The following ADAM32 variants were observed in gnomAD, a reference collection of about 807,000 sequenced individuals.
ADAM32 encodes ADAM metallopeptidase domain 32, also known as disintegrin and metalloproteinase domain-containing protein 32.
A neutral mutation model predicts 114.9 loss-of-function variants in ADAM32; 89 were observed. That is an observed-to-expected ratio of 0.77 (90% CI 0.65 to 0.92). The LOEUF is 0.92. Among genes scored for constraint, ADAM32 ranks in the 40% least tolerant of loss-of-function variants. The probability of loss-of-function intolerance (pLI) is 0.00; values close to 1 mark genes in which losing one functional copy is unlikely to be tolerated. For synonymous variants in ADAM32, 285 were observed against 307.5 expected (o/e 0.93, Z 0.77); for missense variants, 870 against 932.8 (o/e 0.93, Z 0.88).
At chr8:39,225,271 C>T (rs1315531319) in intron 14 of ADAM32, among the ~76,000 whole-genome samples, 1 of 152,072 alleles carries the variant, frequency 6.6e-6, no homozygotes, top group African/African-American at 2.4e-5. Flanking sequence ...AACCTAGGAA[C>T]TTTTGTTGCT....
At chr8:39,132,788 C>T (rs1175176393) in intron 2 of ADAM32, among the ~76,000 whole-genome samples, 2 of 151,874 alleles carry the variant, frequency 1.3e-5, no homozygotes, top group African/African-American at 4.8e-5. Flanking sequence ...TATGTCTTCA[C>T]TGCCTTCTGG....
At chr8:39,239,718 A>G (rs921495599) in intron 16 of ADAM32, among the ~76,000 whole-genome samples, 1 of 152,212 alleles carries the variant, frequency 6.6e-6, no homozygotes, top group East Asian at 1.9e-4. Flanking sequence ...AACTTAAGGT[A>G]AAGGGGTGGA....
chr8:39,212,894 T>A (rs1808320552), intron 12 of ADAM32, among the ~76,000 whole-genome samples: 1 of 152,204 alleles, frequency 6.6e-6, no homozygotes, highest in South Asian at 2.1e-4. Flanking sequence ...CCTTCATATC[T>A]GCACTAGAAT....
At chr8:39,209,266 C>G (rs1028642009) in intron 11 of ADAM32, among the ~76,000 whole-genome samples, 5 of 152,056 alleles carry the variant, frequency 3.3e-5, no homozygotes, top group Admixed American at 3.3e-4. Context: ...GCTTTCGAGA[C>G]CCTCTAATAC....
intron 11 of ADAM32, among the ~76,000 whole-genome samples, chr8:39,207,170 T>C (rs1489474097): frequency 6.6e-6 from 1 of 152,138 alleles, no homozygotes; most frequent in East Asian, 1.9e-4. Context: ...TCCTCTGTCT[T>C]TCTACATCTC....
At chr8:39,279,526 C>T (rs935165794) in intron 22 of ADAM32, among the ~76,000 whole-genome samples, 2 of 152,208 alleles carry the variant, frequency 1.3e-5, no homozygotes, top group African/African-American at 4.8e-5. Flanking sequence ...TTGTGATCCA[C>T]TCGCCTCGGC....
At chr8:39,124,765 G>A (rs939268315) in intron 2 of ADAM32, among the ~76,000 whole-genome samples, 7 of 152,096 alleles carry the variant, frequency 4.6e-5, no homozygotes, top group Non-Finnish European at 1.5e-5. Context: ...CATTTGGGTT[G>A]CTTCCATGTC....
chr8:39,236,000 A>G (rs1810112156), intron 16 of ADAM32, among the ~76,000 whole-genome samples: 1 of 152,220 alleles, frequency 6.6e-6, no homozygotes, highest in Non-Finnish European at 1.5e-5. Flanking sequence ...CTTTTTCTAA[A>G]ATAACATTTT....
intron 4 of ADAM32, among the ~76,000 whole-genome samples, chr8:39,149,020 A>C (rs767277100): frequency 6.0e-4 from 92 of 152,252 alleles, no homozygotes; most frequent in Non-Finnish European, 1.1e-3. Flanking sequence ...GTGTTTAGAA[A>C]GCATATATTC....
At chr8:39,214,904 T>C (rs762604147) in intron 12 of ADAM32, among the ~76,000 whole-genome samples, 10 of 152,106 alleles carry the variant, frequency 6.6e-5, no homozygotes, top group Non-Finnish European at 1.3e-4. Context: ...TTGTCATGCA[T>C]GTGGATATCC....
At chr8:39,215,247 A>C (rs1808482232) in intron 12 of ADAM32, among the ~76,000 whole-genome samples, 1 of 151,720 alleles carries the variant, frequency 6.6e-6, no homozygotes, top group Admixed American at 6.6e-5. Flanking sequence ...GATTGCATTG[A>C]ATTTGTAGAT....
At chr8:39,140,919 G>T (rs1279681304) in intron 3 of ADAM32, among the ~76,000 whole-genome samples, 3 of 152,092 alleles carry the variant, frequency 2.0e-5, no homozygotes, top group African/African-American at 7.2e-5. Flanking sequence ...ATTTCTTCTA[G>T]ATTTTCTAGT....
intron 2 of ADAM32, among the ~76,000 whole-genome samples, chr8:39,127,680 A>G (rs570276781): frequency 6.6e-6 from 1 of 152,130 alleles, no homozygotes; most frequent in East Asian, 1.9e-4. Flanking sequence ...TATCTCCTTC[A>G]GTTCTGCCCT....
At chr8:39,273,606 G>A (rs1187772397) in intron 20 of ADAM32, among the ~76,000 whole-genome samples, 1 of 152,166 alleles carries the variant, frequency 6.6e-6, no homozygotes, top group East Asian at 1.9e-4. Flanking sequence ...TCATTATCAT[G>A]TATTTTGTAC....
chr8:39,223,408 G>A (rs966992848), intron 14 of ADAM32, 170 bp downstream of exon 14: 3 of 320,014 alleles, frequency 9.4e-6, no homozygotes, highest in Admixed American at 9.8e-5. Context: ...GTTTTATATA[G>A]TATAAAATGT....
rs151067585 is a variant in ADAM32 at position 39,249,501 on chromosome 8, G to A, written c.1902+3335G>A. 1.8e-3 allele frequency among the ~76,000 whole-genome samples: 270 copies of A among 152,166 alleles called. 1 individual carries two copies. The highest frequency in any genetic ancestry group is 6.3e-3 in the African/African-American group (261 of 41,526). Reference sequence around the variant, plus strand: ...TGGTTTTGATGTTAGGGTAAGGATGGCCTGATAGAATGAGTGAGGAAGTAT... The same window carrying A: ...TGGTTTTGATGTTAGGGTAAGGATGACCTGATAGAATGAGTGAGGAAGTAT... On this transcript the variant is annotated intron_variant, in intron 17 of 24. Coordinates refer to ENST00000379907, the MANE Select transcript of ADAM32 (RefSeq NM_145004.7).
chr8:39,131,336 A>G (rs950382153), intron 2 of ADAM32, among the ~76,000 whole-genome samples: 2 of 152,044 alleles, frequency 1.3e-5, no homozygotes, highest in African/African-American at 4.8e-5. Flanking sequence ...AATAAAACAT[A>G]AAAAAATAGC....
chr8:39,273,353 AAAAT>A (rs574778386), intron 20 of ADAM32, among the ~76,000 whole-genome samples: 6 of 152,002 alleles, frequency 3.9e-5, no homozygotes, highest in Non-Finnish European at 7.4e-5. Flanking sequence ...TAAAAATACA[AAAAT>A]AAATAAATAA....
intron 6 of ADAM32, chr8:39,158,053 C>A (rs767139233): frequency 1.6e-5 from 4 of 253,592 alleles, no homozygotes; most frequent in Non-Finnish European, 3.2e-5. Context: ...GTAGCCTTTG[C>A]CCTTGGTCAC....
Sources: allele counts gnomAD v4.1 joint callset (sites outside exome capture counted in the v4.1 genomes callset), GRCh38; gene constraint gnomAD v4.1.1; transcripts MANE v1.5; gene names NCBI Gene and HGNC (gene_info 2026-07-23, HGNC 2026-07-21).